Variants in NTRK3 observed in about 807,000 individuals in gnomAD.
NTRK3 encodes the protein NT-3 growth factor receptor.
Under a neutral mutation model 91.7 loss-of-function variants are expected in NTRK3, and 24 were observed. The observed-to-expected ratio is 0.26, with a 90% CI of 0.19 to 0.37. NTRK3 has a LOEUF of 0.37. NTRK3 is among the 10% of genes least tolerant of loss of function. The pLI, the probability that NTRK3 is intolerant of heterozygous loss-of-function variation, is 1.00. For synonymous variants in NTRK3, 483 were observed against 404.0 expected (o/e 1.20, Z -2.34); for missense variants, 880 against 1,068.9 (o/e 0.82, Z 2.46).
At position 88,224,410 on chromosome 15, in the gene NTRK3, A is replaced by G. The variant is rs1284153393; in HGVS notation, c.248+31496T>C. ...TGCAGACAAGTCCCACACAGTCTGC[A>G]TTCCGGGGCCTCAACAAGCTGGGTC... On this transcript the variant is annotated intron_variant, in intron 3 of 18. Transcript: ENST00000394480. Among the ~76,000 whole-genome samples the G allele has an allele frequency of 2.6e-5, 4 of 152,232 alleles. No individual in the cohort carries two copies. In the East Asian group the frequency reaches 5.8e-4, roughly 22 times the overall value.
chr15:88,012,209 T>C (rs1027843700), intron 14 of NTRK3, among the ~76,000 whole-genome samples: 1 of 152,062 alleles, frequency 6.6e-6, no homozygotes, highest in Non-Finnish European at 1.5e-5. Flanking sequence ...TATAAGACAA[T>C]GAGATCCTCG....
At chr15:87,860,251 T>G in exon 19 of NTRK3, 1 of 217,656 alleles carries the variant, frequency 4.6e-6, no homozygotes, top group East Asian at 6.7e-5. Context: ...CTGAAGGACA[T>G]GCACAATGGG....
rs147664278 is a variant in NTRK3, at chr15:88,031,073, C to T, written c.1585+1784G>A. ...CTTTGCTCAGGAAGAGTGACAGTGG[C>T]CATGGCCATGAGTTCAATGTTAATG... On this transcript the variant is annotated intron_variant, in intron 14 of 18. Transcript: ENST00000394480. Among the ~76,000 whole-genome samples, 429 of 152,254 alleles carry T rather than the reference C, an allele frequency of 2.8e-3. 8 individuals are homozygous for T. Among genetic ancestry groups the T allele is most frequent in the Admixed American group, 4.1e-3 (62 of 15,302 alleles).
intron 14 of NTRK3, among the ~76,000 whole-genome samples, chr15:88,029,364 G>A (rs576551455): frequency 1.3e-5 from 2 of 152,326 alleles, no homozygotes; most frequent in Admixed American, 1.3e-4. Context: ...AGCCTGACAT[G>A]CTAGGAAAAA....
At chr15:88,072,903 C>T in intron 13 of NTRK3, 1 of 230,982 alleles carries the variant, frequency 4.3e-6, no homozygotes, top group Non-Finnish European at 8.6e-6. Flanking sequence ...GTCAAGACAG[C>T]TCACCTTCAG....
intron 5 of NTRK3, among the ~76,000 whole-genome samples, chr15:88,179,577 G>GTATGGGGATCCCAGAC (rs1279596220): frequency 1.3e-5 from 2 of 152,226 alleles, no homozygotes; most frequent in African/African-American, 4.8e-5. Context: ...CATTCTTCAT[G>GTATGGGGATCCCAGAC]TATGGGGATC....
intron 3 of NTRK3, among the ~76,000 whole-genome samples, chr15:88,199,547 G>C (rs1025855117): frequency 2.0e-5 from 3 of 152,198 alleles, no homozygotes; most frequent in Admixed American, 2.0e-4. Flanking sequence ...ATTAGTGAAG[G>C]GAGGCCCAAG....
intron 3 of NTRK3, among the ~76,000 whole-genome samples, chr15:88,203,161 G>A (rs2048447212): frequency 6.6e-6 from 1 of 152,114 alleles, no homozygotes; most frequent in African/African-American, 2.4e-5. Context: ...TGCTAGCTCG[G>A]TACACACTCT....
intron 14 of NTRK3, chr15:87,981,233 C>G (rs745589797): frequency 6.3e-7 from 1 of 1,585,860 alleles, no homozygotes. Flanking sequence ...CACCATGTGA[C>G]CTTGGGTAAG....
Position 87,894,799 on chromosome 15 carries a change from C to T in NTRK3, c.2134-14371G>A, listed in dbSNP as rs537206380. 6.6e-5 allele frequency among the ~76,000 whole-genome samples: 10 copies of T among 152,308 alleles called. No individual in the cohort carries two copies. The East Asian group carries it at 1.9e-3, about 29-fold the overall frequency. ...CAGCCTGGTCTTCAGAAACTCTCCC[C>T]TAGTTCCTACCTTTCCTCCTCCTCC... On this transcript the variant is annotated intron_variant, in intron 17 of 18. Transcript: ENST00000394480.
chr15:87,941,329 A>G (rs1328244700), intron 14 of NTRK3, among the ~76,000 whole-genome samples: 2 of 152,218 alleles, frequency 1.3e-5, no homozygotes, highest in East Asian at 3.9e-4. Flanking sequence ...CCTCATCTGT[A>G]AAATGGGATT....
At chr15:88,139,882 A>G (rs949703173) in intron 6 of NTRK3, among the ~76,000 whole-genome samples, 1 of 121,046 alleles carries the variant, frequency 8.3e-6, no homozygotes, top group Non-Finnish European at 1.6e-5. Flanking sequence ...AGGAGCCCTG[A>G]CTTCAGGAGC....
chr15:88,053,660 G>T (rs2045430459), intron 13 of NTRK3, among the ~76,000 whole-genome samples: 1 of 152,170 alleles, frequency 6.6e-6, no homozygotes, highest in Non-Finnish European at 1.5e-5. Flanking sequence ...CAATAATAGG[G>T]AAAATAATAG....
At chr15:88,200,813 C>T (rs1024729686) in intron 3 of NTRK3, among the ~76,000 whole-genome samples, 3 of 152,316 alleles carry the variant, frequency 2.0e-5, no homozygotes, top group Admixed American at 1.3e-4. Flanking sequence ...TCCCTCCAAG[C>T]CTACTGGAAG....
intron 13 of NTRK3, among the ~76,000 whole-genome samples, chr15:88,114,013 C>A (rs549104503): frequency 5.3e-5 from 8 of 152,174 alleles, no homozygotes; most frequent in African/African-American, 1.9e-4. Flanking sequence ...GTACCCCCCC[C>A]ACCACCAACA....
chr15:88,102,148 C>T (rs1355295121), intron 13 of NTRK3, among the ~76,000 whole-genome samples: 1 of 152,168 alleles, frequency 6.6e-6, no homozygotes, highest in African/African-American at 2.4e-5. Flanking sequence ...GCCAGCATCT[C>T]CCCTGGTCCT....
intron 13 of NTRK3, among the ~76,000 whole-genome samples, chr15:88,044,340 A>G (rs2079950906): frequency 7.1e-6 from 1 of 141,670 alleles, no homozygotes; most frequent in Non-Finnish European, 1.5e-5. Flanking sequence ...GGCTCACTGC[A>G]AGCTCTGCCT....
At chr15:88,055,344 T>C (rs12592807) in intron 13 of NTRK3, among the ~76,000 whole-genome samples, 3,252 of 152,312 alleles carry the variant, frequency 0.021, 86 homozygotes, top group East Asian at 0.16. Flanking sequence ...CACTGGTGAA[T>C]CATTGGCAGT....
At chr15:88,143,614 TAGG>T (rs2042600733) in intron 6 of NTRK3, among the ~76,000 whole-genome samples, 1 of 152,186 alleles carries the variant, frequency 6.6e-6, no homozygotes, top group South Asian at 2.1e-4. Flanking sequence ...ACAAATTTAT[TAGG>T]AGGATTCATG....
Sources: allele counts gnomAD v4.1 joint callset (sites outside exome capture counted in the v4.1 genomes callset), GRCh38; gene constraint gnomAD v4.1.1; transcripts MANE v1.5; gene names NCBI Gene and HGNC (gene_info 2026-07-23, HGNC 2026-07-21).